Variants in ELMOD1 observed in about 807,000 individuals in gnomAD.
ELMOD1 encodes the protein ELMO domain containing 1, also known as ELMO domain-containing protein 1.
ELMOD1 carries 21 observed loss-of-function variants against 46.7 expected under a neutral mutation model. The ratio of observed to expected loss-of-function variants is 0.45; its 90% CI spans 0.32 to 0.65. The LOEUF (loss-of-function observed/expected upper bound fraction) is 0.65, where lower values mean the gene tolerates loss of function less well. Ranked by LOEUF, ELMOD1 falls within the 30% of genes least tolerant of loss-of-function variation. The pLI, the probability that ELMOD1 is intolerant of heterozygous loss-of-function variation, is 0.04. For missense variants in ELMOD1, 348 were observed against 407.8 expected (o/e 0.85, Z 1.26); for synonymous variants, 122 against 138.2 (o/e 0.88, Z 0.82).
Position 107,591,212 on chromosome 11 carries a change from T to C in ELMOD1, c.-283T>C, listed in dbSNP as rs1865380456. ...CTTGCTCCGCTCCACGCGACCCAGA[T>C]TCCTGCCCCGCCCCCGCCCCTTCCG... On this transcript the variant is annotated 5_prime_UTR_variant, in exon 1 of 12. Transcript: ENST00000265840. The C allele has an allele frequency of 6.6e-6, 1 of 151,894 alleles. No homozygotes were observed. Among genetic ancestry groups the C allele is most frequent in the African/African-American group, 2.4e-5 (1 of 41,236 alleles). 9.4% of individuals were successfully genotyped at this position (151,894 alleles called of 1,614,324 possible).
At chr11:107,636,508 T>TA (rs1252072473) in intron 6 of ELMOD1, among the ~76,000 whole-genome samples, 1 of 152,222 alleles carries the variant, frequency 6.6e-6, no homozygotes, top group Non-Finnish European at 1.5e-5. Context: ...TCTTTAGAAT[T>TA]AGAGTGCTTT....
At position 107,630,534 on chromosome 11, in the gene ELMOD1, G is replaced by C. The variant is rs1176048230; in HGVS notation, c.135G>C (p.Lys45Asn). 6 of 1,610,606 alleles carry C rather than the reference G, an allele frequency of 3.7e-6. No homozygotes were observed. The highest frequency in any genetic ancestry group is 5.1e-6 in the Non-Finnish European group (6 of 1,178,486). The change falls in exon 3 of 12, where the codon AAG becomes AAC. Residue 45 changes from lysine (K) to asparagine (N), a missense_variant. Lys to Asn is a moderately conservative substitution (Grantham distance 94). Transcript: ENST00000265840. Reference protein sequence around the residue: ...CELQRICYNTKPGASRTMKIE... With the variant: ...CELQRICYNTNPGASRTMKIE... ...TACAACGGATCTGTTATAATACCAA[G>C]CCGGGAGCTTCTAGAACCATGAAAA...
At chr11:107,625,729 A>G (rs1011382315) in intron 2 of ELMOD1, among the ~76,000 whole-genome samples, 1 of 152,222 alleles carries the variant, frequency 6.6e-6, no homozygotes, top group African/African-American at 2.4e-5. Flanking sequence ...CAAACTAGAG[A>G]ATGAATGTTA....
rs746890763 is a variant in ELMOD1 at position 107,655,573 on chromosome 11, C to CTTTTTTTTTTTTTTTTT, written c.699-345_699-344insTTTTTTTTTTTTTTTTT. On this transcript the variant is annotated intron_variant, in intron 10 of 11. Transcript: ENST00000265840. Reference sequence around the variant, plus strand: ...ATCAGATTACCCATTATTGAAATGCCTTTTTTTTTTTTTTTGTAAAGTGAA... The same window carrying CTTTTTTTTTTTTTTTTT: ...ATCAGATTACCCATTATTGAAATGCCTTTTTTTTTTTTTTTTTTTTTTTTTTTTTTTTGTAAAGTGAA... Among the ~76,000 whole-genome samples, 25 of 112,444 alleles carry CTTTTTTTTTTTTTTTTT rather than the reference C, an allele frequency of 2.2e-4. 1 individual carries two copies. Among genetic ancestry groups the CTTTTTTTTTTTTTTTTT allele is most frequent in the Middle Eastern group, 5.6e-3 (1 of 178 alleles). The allele number at this position is 112,444 out of a possible 152,430, so 73.8% of individuals were successfully genotyped here.
chr11:107,636,514 G>T (rs955338734), intron 6 of ELMOD1, among the ~76,000 whole-genome samples: 5 of 152,204 alleles, frequency 3.3e-5, no homozygotes, highest in African/African-American at 1.2e-4. Context: ...GAATTAGAGT[G>T]CTTTAGGGTA....
At chr11:107,644,027 C>A (rs556236546) in intron 6 of ELMOD1, among the ~76,000 whole-genome samples, 1 of 152,212 alleles carries the variant, frequency 6.6e-6, no homozygotes, top group South Asian at 2.1e-4. Context: ...AATCCTAGAA[C>A]TTTGGGAGGC....
chr11:107,645,470 C>A (rs2135704572), intron 6 of ELMOD1, among the ~76,000 whole-genome samples: 1 of 152,084 alleles, frequency 6.6e-6, no homozygotes, highest in South Asian at 2.1e-4. Context: ...ATTATAGGCG[C>A]GGGCCACCAC....
chr11:107,626,454 A>G (rs979898336), intron 2 of ELMOD1, among the ~76,000 whole-genome samples: 2 of 151,772 alleles, frequency 1.3e-5, no homozygotes, highest in African/African-American at 4.8e-5. Context: ...AAATCCTTAA[A>G]CTCAAATAAG....
intron 6 of ELMOD1, among the ~76,000 whole-genome samples, chr11:107,641,565 G>A (rs1866324257): frequency 3.3e-5 from 5 of 152,260 alleles, no homozygotes; most frequent in African/African-American, 1.2e-4. Flanking sequence ...TTGGAGAAGA[G>A]AGTTAAGGGA....
intron 1 of ELMOD1, among the ~76,000 whole-genome samples, chr11:107,615,032 C>T (rs1865837632): frequency 6.6e-6 from 1 of 152,100 alleles, no homozygotes; most frequent in Non-Finnish European, 1.5e-5. Flanking sequence ...TCCTCTCCTC[C>T]CCAAAGACTG....
At position 107,631,745 on chromosome 11, in the gene ELMOD1, C is replaced by T. The variant is rs536589981; in HGVS notation, c.290+68C>T. ...ACATGGCCACAGGTTTAGTGTTTCT[C>T]TGTCTCCTCTCTTTTTTTTTCTCCC... On this transcript the variant is annotated intron_variant, in intron 5 of 11. Coordinates refer to ENST00000265840, the MANE Select transcript of ELMOD1 (RefSeq NM_018712.4). The T allele has an allele frequency of 6.1e-5, 48 of 792,902 alleles. No homozygotes were observed. The African/African-American group carries it at 8.5e-4, about 14-fold the overall frequency. The allele number at this position is 792,902 out of a possible 1,614,324, so 49.1% of individuals were successfully genotyped here.
chr11:107,646,075 T>C (rs944111244), intron 6 of ELMOD1, among the ~76,000 whole-genome samples: 9 of 152,182 alleles, frequency 5.9e-5, no homozygotes, highest in Non-Finnish European at 2.9e-5. Context: ...CTGTCGGTAA[T>C]GAAGATAGAA....
intron 1 of ELMOD1, among the ~76,000 whole-genome samples, chr11:107,610,588 G>A (rs1196462624): frequency 1.3e-5 from 2 of 151,404 alleles, no homozygotes; most frequent in Admixed American, 6.6e-5. Context: ...GCTTGAAACC[G>A]GGAGGCAGAG....
At chr11:107,601,419 T>TC (rs1399130956) in intron 1 of ELMOD1, among the ~76,000 whole-genome samples, 11 of 145,310 alleles carry the variant, frequency 7.6e-5, no homozygotes, top group South Asian at 2.2e-4. Context: ...ATTTTTTCTT[T>TC]TTTTTTTTTT....
chr11:107,618,079 A>T, intron 1 of ELMOD1, 26 bp from the exon 2 acceptor site: 1 of 1,249,402 alleles, frequency 8.0e-7, no homozygotes, highest in South Asian at 1.3e-5. Context: ...TAGTAAATAT[A>T]CCTAATATCT....
chr11:107,607,296 T>C (rs188744281), intron 1 of ELMOD1, among the ~76,000 whole-genome samples: 1 of 152,346 alleles, frequency 6.6e-6, no homozygotes, highest in East Asian at 1.9e-4. Flanking sequence ...TACTAGTAGT[T>C]TTTAATTGTC....
At chr11:107,625,417 A>C (rs114607672) in intron 2 of ELMOD1, 1 of 984,258 alleles carries the variant, frequency 1.0e-6, no homozygotes, top group African/African-American at 1.7e-5. Flanking sequence ...AGCAAGAATT[A>C]ACTTTCATTA....
At chr11:107,635,979 C>A (rs978397428) in intron 6 of ELMOD1, among the ~76,000 whole-genome samples, 2 of 152,136 alleles carry the variant, frequency 1.3e-5, no homozygotes, top group African/African-American at 4.8e-5. Flanking sequence ...AAGTTCAAAG[C>A]CAATTTTCTT....
chr11:107,621,258 A>G (rs1175251822), intron 2 of ELMOD1, among the ~76,000 whole-genome samples: 1 of 152,226 alleles, frequency 6.6e-6, no homozygotes, highest in Non-Finnish European at 1.5e-5. Flanking sequence ...TTCCTCCAGC[A>G]GAAAAGAGGA....
Sources: gnomAD v4.1 joint callset for allele counts (sites outside exome capture counted in the v4.1 genomes callset) on GRCh38, gnomAD v4.1.1 for gene constraint, MANE v1.5 for transcripts, NCBI Gene and HGNC (gene_info 2026-07-23, HGNC 2026-07-21) for gene names.